GRM5: variants seen among roughly 807,000 people sequenced by gnomAD.
The protein encoded by GRM5 is metabotropic glutamate receptor 5.
In GRM5, 19 loss-of-function variants were observed where a neutral mutation model predicts 83.1. That is an observed-to-expected ratio of 0.23 (90% CI 0.16 to 0.34). The LOEUF is 0.34. Ranked by LOEUF, GRM5 falls within the 10% of genes least tolerant of loss-of-function variation. GRM5 has a pLI of 1.00. For synonymous variants in GRM5, 675 were observed against 633.6 expected, an observed-to-expected ratio of 1.07 and a Z score of -0.98; for missense variants, 1,160 against 1,588.3, an observed-to-expected ratio of 0.73 and a Z score of 4.58.
At chr11:88,787,622 G>C (rs1172596335) in intron 3 of GRM5, among the ~76,000 whole-genome samples, 1 of 152,086 alleles carries the variant, frequency 6.6e-6, no homozygotes, top group African/African-American at 2.4e-5. Flanking sequence ...AGCCATCCAG[G>C]TGAGATCCCA....
intron 2 of GRM5, among the ~76,000 whole-genome samples, chr11:88,989,342 A>G (rs1030372932): frequency 8.1e-5 from 11 of 136,062 alleles, no homozygotes; most frequent in African/African-American, 1.6e-4. Flanking sequence ...CCAATACAGT[A>G]GCACCCAGAT....
Position 88,651,100 on chromosome 11 carries a change from G to T in GRM5, c.1147+2068C>A, listed in dbSNP as rs574306073. On this transcript the variant is annotated intron_variant, in intron 4 of 9. Transcript: ENST00000305447. ...AGATCACACCAAGGTGCTCACATGA[G>T]AGATAGAGAGCTACAGCAGCAAGGT... Among the ~76,000 whole-genome samples the T allele has an allele frequency of 2.0e-5, 3 of 152,108 alleles. No homozygotes were observed. In the South Asian group the frequency reaches 6.2e-4, roughly 32 times the overall value.
rs748095063 is a variant in GRM5 at position 88,849,176 on chromosome 11, T to TAC, written c.911+728_911+729dup. Among the ~76,000 whole-genome samples the TAC allele has an allele frequency of 2.5e-3, 375 of 151,870 alleles. 5 individuals are homozygous for TAC. The highest frequency in any genetic ancestry group is 4.7e-3 in the Admixed American group (72 of 15,240). On this transcript the variant is annotated intron_variant, in intron 3 of 9. Transcript: ENST00000305447. ...ATATATACACACACACATATGTATA[T>TAC]ACACACACACACAAATTTATACATA... is the stretch of plus-strand genomic sequence containing the variant.
intron 1 of GRM5, among the ~76,000 whole-genome samples, chr11:89,052,400 G>A (rs1304704264): frequency 2.6e-5 from 4 of 152,156 alleles, no homozygotes; most frequent in African/African-American, 4.8e-5. Context: ...GATAAAGTGA[G>A]AGTAAATGAC....
chr11:88,890,778 C>T (rs1033644345), intron 2 of GRM5, among the ~76,000 whole-genome samples: 31 of 152,056 alleles, frequency 2.0e-4, no homozygotes, highest in African/African-American at 4.1e-4. Context: ...CTAGGCTCCA[C>T]GCCTGGTACA....
At chr11:88,851,149 AC>A (rs5793353) in intron 2 of GRM5, among the ~76,000 whole-genome samples, 41,598 of 151,988 alleles carry the variant, frequency 0.27, 6,030 homozygotes, top group South Asian at 0.53. Flanking sequence ...AATTCTAATT[AC>A]ATCCGCATTT....
intron 3 of GRM5, among the ~76,000 whole-genome samples, chr11:88,714,964 A>T (rs1247743563): frequency 6.6e-6 from 1 of 152,046 alleles, no homozygotes; most frequent in African/African-American, 2.4e-5. Flanking sequence ...AAAGGGACAT[A>T]GAATTATTTT....
intron 5 of GRM5, 78 bp from the exon 6 acceptor site, chr11:88,597,430 C>T: frequency 1.4e-6 from 1 of 729,200 alleles, no homozygotes; most frequent in Non-Finnish European, 2.2e-6. Flanking sequence ...ATTTTATTCC[C>T]AAAAATGTGT....
chr11:89,004,824 C>A (rs1565331410), intron 2 of GRM5, among the ~76,000 whole-genome samples: 2 of 152,150 alleles, frequency 1.3e-5, no homozygotes, highest in African/African-American at 2.4e-5. Context: ...ATTATTTAAT[C>A]CCATATGCAA....
intron 3 of GRM5, among the ~76,000 whole-genome samples, chr11:88,656,281 C>A (rs956448958): frequency 1.1e-4 from 17 of 152,182 alleles, no homozygotes; most frequent in African/African-American, 4.1e-4. Flanking sequence ...ATTTCTCCCT[C>A]TTCTCACTGG....
intron 4 of GRM5, among the ~76,000 whole-genome samples, chr11:88,647,331 A>G (rs977459339): frequency 6.6e-6 from 1 of 151,158 alleles, no homozygotes; most frequent in African/African-American, 2.4e-5. Context: ...ACCCAGTATA[A>G]GGCACTCCTT....
intron 2 of GRM5, among the ~76,000 whole-genome samples, chr11:88,922,907 TG>T (rs1258642750): frequency 6.6e-6 from 1 of 152,112 alleles, no homozygotes; most frequent in South Asian, 2.1e-4. Flanking sequence ...CAGTTTAAAA[TG>T]GGCAAAATAT....
At chr11:89,021,863 T>C (rs774688368) in intron 2 of GRM5, among the ~76,000 whole-genome samples, 31 of 152,304 alleles carry the variant, frequency 2.0e-4, no homozygotes, top group Middle Eastern at 6.8e-3. Flanking sequence ...TCCATAGATA[T>C]TATGTACCAG....
chr11:88,722,003 G>C (rs1941550907), intron 3 of GRM5, among the ~76,000 whole-genome samples: 1 of 152,076 alleles, frequency 6.6e-6, no homozygotes, highest in African/African-American at 2.4e-5. Flanking sequence ...TTCACAAGCT[G>C]AACACATGGC....
At chr11:88,806,474 C>T (rs1440385536) in intron 3 of GRM5, among the ~76,000 whole-genome samples, 1 of 152,104 alleles carries the variant, frequency 6.6e-6, no homozygotes, top group Non-Finnish European at 1.5e-5. Context: ...TAATTATTAA[C>T]AAATGAGTTC....
At chr11:88,899,113 C>A (rs1355559678) in intron 2 of GRM5, among the ~76,000 whole-genome samples, 1 of 151,782 alleles carries the variant, frequency 6.6e-6, no homozygotes, top group East Asian at 1.9e-4. Flanking sequence ...TTTTGACTAG[C>A]CTACAAACTT....
At chr11:88,971,550 G>A (rs141210533) in intron 2 of GRM5, among the ~76,000 whole-genome samples, 5,079 of 152,052 alleles carry the variant, frequency 0.033, 135 homozygotes, top group African/African-American at 0.078. Flanking sequence ...TTCTATTCCT[G>A]TGTTAGTCCA....
At chr11:88,975,256 G>A (rs1312221261) in intron 2 of GRM5, among the ~76,000 whole-genome samples, 1 of 152,198 alleles carries the variant, frequency 6.6e-6, no homozygotes, top group Non-Finnish European at 1.5e-5. Context: ...CGTGATGGCA[G>A]CCAATTCCAG....
At chr11:88,705,791 C>T (rs1218576963) in intron 3 of GRM5, among the ~76,000 whole-genome samples, 1 of 151,922 alleles carries the variant, frequency 6.6e-6, no homozygotes, top group East Asian at 1.9e-4. Flanking sequence ...ATAATTATTT[C>T]CCTTAGGATC....
Sources: allele counts gnomAD v4.1 joint callset (sites outside exome capture counted in the v4.1 genomes callset), GRCh38; gene constraint gnomAD v4.1.1; transcripts MANE v1.5; gene names NCBI Gene and HGNC (gene_info 2026-07-23, HGNC 2026-07-21).